The following CA8 variants were observed in gnomAD, a reference collection of about 807,000 sequenced individuals.
CA8 encodes carbonic anhydrase-related protein.
A neutral mutation model predicts 41.4 loss-of-function variants in CA8; 22 were observed. The ratio of observed to expected loss-of-function variants is 0.53; its 90% confidence interval spans 0.38 to 0.76. The LOEUF is 0.76. CA8 is among the 30% of genes least tolerant of loss of function. The pLI, the probability that CA8 is intolerant of heterozygous loss-of-function variation, is 0.00. For missense variants in CA8, 270 were observed against 352.8 expected (o/e 0.77, Z 1.88); for synonymous variants, 121 against 130.6 (o/e 0.93, Z 0.50).
At chr8:60,240,240 T>C (rs979636922) in intron 3 of CA8, among the ~76,000 whole-genome samples, 2 of 152,020 alleles carry the variant, frequency 1.3e-5, no homozygotes, top group African/African-American at 2.4e-5. Context: ...CAAGGAAAAA[T>C]GAGGACAGAA....
intron 2 of CA8, among the ~76,000 whole-genome samples, chr8:60,270,647 C>A (rs1804041244): frequency 6.6e-6 from 1 of 152,170 alleles, no homozygotes; most frequent in Admixed American, 6.5e-5. Flanking sequence ...AACTCCTGAC[C>A]TCAAGTGAGC....
At chr8:60,243,063 T>C (rs1346363499) in intron 3 of CA8, among the ~76,000 whole-genome samples, 1 of 152,204 alleles carries the variant, frequency 6.6e-6, no homozygotes, top group African/African-American at 2.4e-5. Flanking sequence ...AACTGAAGAA[T>C]TGGGGCCATG....
intron 2 of CA8, among the ~76,000 whole-genome samples, chr8:60,272,980 C>T (rs982423926): frequency 6.6e-6 from 1 of 152,226 alleles, no homozygotes; most frequent in Admixed American, 6.5e-5. Flanking sequence ...CCCCACCAGC[C>T]CCTACTGTCT....
intron 8 of CA8, among the ~76,000 whole-genome samples, chr8:60,192,604 C>A (rs1335950756): frequency 6.6e-6 from 1 of 152,050 alleles, no homozygotes; most frequent in Non-Finnish European, 1.5e-5. Flanking sequence ...CAAGCTCCAG[C>A]CCAACACCTG....
chr8:60,224,531 A>C lies in CA8; in HGVS notation c.625+6T>G. ...ATTCATTTTATGCAATCAGGTAAAT[A>C]CTCACCTGGTAATAAAGTGTTAGGA... On this transcript the variant is annotated splice_donor_region_variant and intron_variant, in intron 6 of 8. Coordinates refer to ENST00000317995, the MANE Select transcript of CA8 (RefSeq NM_004056.6). 1 of 1,552,776 alleles carries C rather than the reference A, an allele frequency of 6.4e-7. No individual in the cohort carries two copies. The highest frequency in any genetic ancestry group is 1.1e-5 in the South Asian group (1 of 89,442).
intron 3 of CA8, among the ~76,000 whole-genome samples, chr8:60,242,519 C>T (rs1350634005): frequency 2.6e-5 from 4 of 152,162 alleles, no homozygotes; most frequent in African/African-American, 4.8e-5. Context: ...TGAGTATTCA[C>T]ACAAAGCACG....
At chr8:60,220,893 A>G (rs962494275) in intron 7 of CA8, among the ~76,000 whole-genome samples, 2 of 152,052 alleles carry the variant, frequency 1.3e-5, no homozygotes, top group African/African-American at 4.8e-5. Flanking sequence ...CCTTCGCCCT[A>G]TTTTCACTGA....
At chr8:60,234,143 A>T (rs1585884697) in intron 3 of CA8, among the ~76,000 whole-genome samples, 1 of 152,112 alleles carries the variant, frequency 6.6e-6, no homozygotes, top group South Asian at 2.1e-4. Context: ...TCTCTCAATG[A>T]CCCATAACCC....
At chr8:60,251,793 C>T (rs1808459836) in intron 3 of CA8, among the ~76,000 whole-genome samples, 1 of 152,178 alleles carries the variant, frequency 6.6e-6, no homozygotes, top group Non-Finnish European at 1.5e-5. Context: ...CAAAATGCTT[C>T]TGAAATTAGA....
chr8:60,267,571 G>A (rs1803940396), intron 2 of CA8, among the ~76,000 whole-genome samples: 1 of 152,116 alleles, frequency 6.6e-6, no homozygotes, highest in African/African-American at 2.4e-5. Context: ...CAACTCCACA[G>A]ACAGGGCAGA....
At chr8:60,203,053 G>A (rs534411007) in intron 8 of CA8, among the ~76,000 whole-genome samples, 25 of 152,186 alleles carry the variant, frequency 1.6e-4, no homozygotes, top group African/African-American at 4.1e-4. Context: ...AAACTAACAT[G>A]GTACTAAACT....
intron 7 of CA8, among the ~76,000 whole-genome samples, chr8:60,218,097 AC>A (rs1326372228): frequency 7.2e-5 from 11 of 152,102 alleles, no homozygotes; most frequent in Non-Finnish European, 1.6e-4. Flanking sequence ...TTCCCCAAAT[AC>A]ACTCTGCTCT....
intron 3 of CA8, among the ~76,000 whole-genome samples, chr8:60,249,400 A>G (rs1808363760): frequency 6.6e-6 from 1 of 152,176 alleles, no homozygotes; most frequent in Non-Finnish European, 1.5e-5. Flanking sequence ...TTGTTTACCT[A>G]AAACCAATGC....
At chr8:60,208,715 G>A (rs1181507962) in intron 8 of CA8, 35 bp downstream of exon 8, 2 of 1,570,140 alleles carry the variant, frequency 1.3e-6, no homozygotes, top group East Asian at 2.2e-5. Context: ...TTAAGTAGCT[G>A]TGCACCTCAT....
In CA8 at chr8:60,226,906, A is replaced by G. The variant is rs1196793566; in HGVS notation, c.543T>C (p.Ala181=). Residue 181 remains alanine (A), a synonymous_variant, in exon 5 of 9, where the codon GCT becomes GCC. Transcript: ENST00000317995. ...QIGKEHVGLK[A]VTEILQDIQY... is the part of the protein sequence containing the mutation. ...GAATATCTTGGAGGATTTCAGTCAC[A>G]GCCTTCAAGCCAACATGTTCCTTTC... The G allele has an allele frequency of 4.4e-6, 7 of 1,603,860 alleles. No homozygotes were observed. Among genetic ancestry groups the G allele is most frequent in the Non-Finnish European group, 6.0e-6 (7 of 1,170,834 alleles).
intron 2 of CA8, among the ~76,000 whole-genome samples, chr8:60,266,659 T>C (rs955502437): frequency 6.6e-6 from 1 of 152,204 alleles, no homozygotes; most frequent in Non-Finnish European, 1.5e-5. Flanking sequence ...AATATTAACA[T>C]CAGTCCCACA....
At chr8:60,200,140 T>C (rs1806381501) in intron 8 of CA8, among the ~76,000 whole-genome samples, 1 of 152,234 alleles carries the variant, frequency 6.6e-6, no homozygotes, top group Non-Finnish European at 1.5e-5. Flanking sequence ...CCTTCTACCA[T>C]GTGAGGACAC....
rs1355294493 is a variant in CA8 at position 60,185,564 on chromosome 8, G to T, written c.*4457C>A. ...ATCTGGGGCAGGGGGGAAACCATTT[G>T]TTTTTGAAAGCAGAAACAGAAAAAC... is the stretch of plus-strand genomic sequence containing the variant. On this transcript the variant is annotated 3_prime_UTR_variant, in exon 9 of 9. Transcript: ENST00000317995. Among the ~76,000 whole-genome samples, 1 of 152,096 alleles carries T rather than the reference G, an allele frequency of 6.6e-6. No homozygotes were observed. The highest frequency in any genetic ancestry group is 1.5e-5 in the Non-Finnish European group (1 of 67,986).
chr8:60,207,120 ACT>A (rs1316288794), intron 8 of CA8, among the ~76,000 whole-genome samples: 1 of 151,564 alleles, frequency 6.6e-6, no homozygotes, highest in Non-Finnish European at 1.5e-5. Flanking sequence ...GTGTGGCAAA[ACT>A]CTCTAACCTC....
Sources: allele counts gnomAD v4.1 joint callset (sites outside exome capture counted in the v4.1 genomes callset), GRCh38; gene constraint gnomAD v4.1.1; transcripts MANE v1.5; gene names NCBI Gene and HGNC (gene_info 2026-07-23, HGNC 2026-07-21).